ARAP2: variants seen among roughly 807,000 people sequenced by gnomAD.
ARAP2 encodes ArfGAP with RhoGAP domain, ankyrin repeat and PH domain 2, also known as arf-GAP with Rho-GAP domain, ANK repeat and PH domain-containing protein 2.
Under a neutral mutation model 194.5 loss-of-function variants are expected in ARAP2, and 148 were observed. The observed-to-expected ratio is 0.76, with a 90% confidence interval of 0.67 to 0.87. The LOEUF is 0.87. ARAP2 is among the 40% of genes least tolerant of loss of function. The probability of loss-of-function intolerance (pLI) is 0.00; values close to 1 mark genes in which losing one functional copy is unlikely to be tolerated. For missense variants in ARAP2, 2,128 were observed against 1,989.7 expected, an observed-to-expected ratio of 1.07 and a Z score of -1.32; for synonymous variants, 695 against 683.5, an observed-to-expected ratio of 1.02 and a Z score of -0.26.
intron 6 of ARAP2, among the ~76,000 whole-genome samples, chr4:36,198,659 G>A (rs1743696600): frequency 6.6e-6 from 1 of 152,250 alleles, no homozygotes; most frequent in African/African-American, 2.4e-5. Context: ...AGAGTGCACA[G>A]ATCCAGATGG....
intron 26 of ARAP2, among the ~76,000 whole-genome samples, chr4:36,111,559 T>TGTATA (rs1237504886): frequency 2.1e-4 from 32 of 152,118 alleles, no homozygotes; most frequent in African/African-American, 6.7e-4. Flanking sequence ...CATTCACAAA[T>TGTATA]CAAAACTTGA....
intron 5 of ARAP2, among the ~76,000 whole-genome samples, chr4:36,211,137 A>T (rs943817957): frequency 1.3e-5 from 2 of 152,046 alleles, no homozygotes; most frequent in Non-Finnish European, 2.9e-5. Flanking sequence ...CTATATGGAG[A>T]TCTTATTTCC....
At chr4:36,106,040 T>C (rs965727783) in intron 27 of ARAP2, among the ~76,000 whole-genome samples, 15 of 151,972 alleles carry the variant, frequency 9.9e-5, no homozygotes, top group Non-Finnish European at 1.9e-4. Context: ...ACATCAGCAG[T>C]GACCCTTGGT....
Position 36,092,492 on chromosome 4 carries a change from C to T in ARAP2, c.4286-472G>A, listed in dbSNP as rs190827385. Among the ~76,000 whole-genome samples the T allele has an allele frequency of 3.0e-3, 464 of 152,142 alleles. 1 individual carries two copies. The highest frequency in any genetic ancestry group is 0.01 in the African/African-American group (422 of 41,506). ...GGTGTGGTGGCACATGCCTGTAGTC[C>T]GAGCCACTGGAGGAGGTTGAGGCAG... On this transcript the variant is annotated intron_variant, in intron 27 of 32. Transcript: ENST00000303965.
At chr4:36,081,655 G>C (rs759878603) in intron 30 of ARAP2, among the ~76,000 whole-genome samples, 14 of 152,024 alleles carry the variant, frequency 9.2e-5, no homozygotes, top group Admixed American at 5.9e-4. Flanking sequence ...CAAAACAAAA[G>C]CAAAGAAGAG....
chr4:36,219,083 AG>A (rs1284536899), intron 2 of ARAP2, among the ~76,000 whole-genome samples: 2 of 152,218 alleles, frequency 1.3e-5, no homozygotes, highest in Non-Finnish European at 2.9e-5. Context: ...ACAAATGTTG[AG>A]GGTATGAAAC....
Position 36,213,305 on chromosome 4 carries a change from TCTC to T in ARAP2, c.976_978del (p.Glu326del), listed in dbSNP as rs1747173220. Reference sequence around the variant, plus strand: ...CCATAAGGAAAGATGGAAGATGAATTCTCCTCATTTGAATCTTTTAGGGGAATT... The same window carrying T: ...CCATAAGGAAAGATGGAAGATGAATTCTCATTTGAATCTTTTAGGGGAATT... On this transcript the variant is annotated inframe_deletion, in exon 4 of 33. Transcript: ENST00000303965. The T allele has an allele frequency of 2.5e-6, 4 of 1,606,054 alleles. No individual in the cohort carries two copies. The highest frequency in any genetic ancestry group is 3.4e-6 in the Non-Finnish European group (4 of 1,173,406).
chr4:36,151,804 T>A (rs1379461886), intron 15 of ARAP2, among the ~76,000 whole-genome samples: 1 of 152,178 alleles, frequency 6.6e-6, no homozygotes, highest in Admixed American at 6.5e-5. Context: ...GATACATATG[T>A]ATGTGTATTA....
chr4:36,173,067 A>C (rs1435709906), intron 9 of ARAP2, among the ~76,000 whole-genome samples: 1 of 152,212 alleles, frequency 6.6e-6, no homozygotes, highest in Non-Finnish European at 1.5e-5. Context: ...AAGTGAGTTT[A>C]TGTAGTTTAA....
intron 9 of ARAP2, among the ~76,000 whole-genome samples, chr4:36,008,295 T>C (rs1318327849): frequency 6.6e-6 from 1 of 152,106 alleles, no homozygotes; most frequent in Admixed American, 6.6e-5. Context: ...CAGCCTATAC[T>C]ATATGGTTAC....
Position 36,213,237 on chromosome 4 carries a change from A to G in ARAP2, c.1041+6T>C. 6.4e-7 allele frequency: 1 copy of G among 1,572,342 alleles called. No individual in the cohort carries two copies. The highest frequency in any genetic ancestry group is 8.7e-7 in the Non-Finnish European group (1 of 1,142,898). ...ATGGAAAACAATTAAAATGTATGGG[A>G]CTAACCTTGGAATTTTCTAGTCTCT... On this transcript the variant is annotated splice_donor_region_variant and intron_variant, in intron 4 of 32. Coordinates refer to ENST00000303965, the MANE Select transcript of ARAP2 (RefSeq NM_015230.4).
intron 9 of ARAP2, among the ~76,000 whole-genome samples, chr4:36,169,785 G>T (rs1056653148): frequency 6.6e-6 from 1 of 152,096 alleles, no homozygotes; most frequent in African/African-American, 2.4e-5. Context: ...GCCTGCCTTG[G>T]CCTCCCAAAG....
intron 19 of ARAP2, among the ~76,000 whole-genome samples, chr4:36,143,436 T>C (rs1220840524): frequency 6.6e-6 from 1 of 151,726 alleles, no homozygotes; most frequent in African/African-American, 2.4e-5. Context: ...ACAAAGGTAT[T>C]GGTAAATTAA....
At position 36,224,442 on chromosome 4, in the gene ARAP2, T is replaced by C. The variant is rs75734599; in HGVS notation, c.905+4140A>G. Among the ~76,000 whole-genome samples, 345 of 152,094 alleles carry C rather than the reference T, an allele frequency of 2.3e-3. 5 individuals are homozygous for C. The highest frequency in any genetic ancestry group is 0.019 in the East Asian group (98 of 5,178). On this transcript the variant is annotated intron_variant, in intron 2 of 32. Coordinates refer to ENST00000303965, the MANE Select transcript of ARAP2 (RefSeq NM_015230.4). Reference sequence around the variant, plus strand: ...TAGACCAATAATGTGAAACTGACAATGCACAGATAATTAAGCCTCAATCTG... The same window carrying C: ...TAGACCAATAATGTGAAACTGACAACGCACAGATAATTAAGCCTCAATCTG...
intron 5 of ARAP2, among the ~76,000 whole-genome samples, chr4:36,031,320 G>T (rs12508463): frequency 0.86 from 130,799 of 152,156 alleles, 56,357 homozygotes; most frequent in Admixed American, 0.91. Context: ...CATTCCCCAT[G>T]AAATACATTA....
chr4:36,241,762 C>T (rs1257362124), intron 1 of ARAP2, among the ~76,000 whole-genome samples: 1 of 152,082 alleles, frequency 6.6e-6, no homozygotes, highest in Non-Finnish European at 1.5e-5. Context: ...TTTTATGACC[C>T]TAATTTCCAC....
At chr4:36,186,229 T>TA (rs1740534842) in intron 8 of ARAP2, among the ~76,000 whole-genome samples, 1 of 152,126 alleles carries the variant, frequency 6.6e-6, no homozygotes, top group Non-Finnish European at 1.5e-5. Flanking sequence ...TCTAAATTAT[T>TA]AAAACCAGTG....
chr4:36,129,975 T>A lies in ARAP2; in HGVS notation c.3428-1230A>T, dbSNP rs73806499. On this transcript the variant is annotated intron_variant, in intron 20 of 32. Coordinates refer to ENST00000303965, the MANE Select transcript of ARAP2 (RefSeq NM_015230.4). ...ATCTTGTTCCTCTCTGCCTCAATAT[T>A]TGGCATTGCCTTCTCCCTAGCCCTT... 5.3e-3 allele frequency among the ~76,000 whole-genome samples: 810 copies of A among 152,052 alleles called. 11 individuals carry two copies. Among genetic ancestry groups the A allele is most frequent in the African/African-American group, 0.018 (763 of 41,538 alleles).
intron 5 of ARAP2, among the ~76,000 whole-genome samples, chr4:36,027,654 A>C (rs1317115949): frequency 6.6e-6 from 1 of 152,106 alleles, no homozygotes; most frequent in Non-Finnish European, 1.5e-5. Flanking sequence ...TTAATATGGC[A>C]CTATTTGCCT....
Sources: allele counts gnomAD v4.1 joint callset (sites outside exome capture counted in the v4.1 genomes callset), GRCh38; gene constraint gnomAD v4.1.1; transcripts MANE v1.5; gene names NCBI Gene and HGNC (gene_info 2026-07-23, HGNC 2026-07-21).